VCL: variants seen among roughly 807,000 people sequenced by gnomAD.
VCL encodes vinculin, also known as epididymis luminal protein 114.
A neutral mutation model predicts 125.7 loss-of-function variants in VCL; 47 were observed. The ratio of observed to expected loss-of-function variants is 0.37; its 90% confidence interval spans 0.30 to 0.48. The LOEUF (loss-of-function observed/expected upper bound fraction) is 0.48. Among genes scored for constraint, VCL ranks in the 20% least tolerant of loss-of-function variants. VCL has a pLI of 0.99. For missense variants in VCL, 1,069 were observed against 1,455.5 expected, an observed-to-expected ratio of 0.73 and a Z score of 4.32; for synonymous variants, 458 against 514.6, an observed-to-expected ratio of 0.89 and a Z score of 1.49.
At chr10:74,032,816 C>T (rs750768658) in intron 1 of VCL, among the ~76,000 whole-genome samples, 1 of 151,748 alleles carries the variant, frequency 6.6e-6, no homozygotes, top group Non-Finnish European at 1.5e-5. Context: ...GCATCATTAG[C>T]CATCAGGTCA....
chr10:74,006,117 C>T (rs1276662113), intron 1 of VCL, among the ~76,000 whole-genome samples: 1 of 152,126 alleles, frequency 6.6e-6, no homozygotes, highest in Non-Finnish European at 1.5e-5. Context: ...AACTCCTGAC[C>T]TCAGGTGATC....
chr10:74,074,895 G>C lies in VCL; in HGVS notation c.775G>C (p.Ala259Pro). Residue 259 changes from alanine to proline, a missense_variant, in exon 6 of 22, where the codon GCC becomes CCC. Coordinates refer to ENST00000211998, the MANE Select transcript of VCL (RefSeq NM_014000.3). ...QLTSWDEDAW[A>P]SKDTEAMKRA... is the part of the protein sequence containing the mutation. ...CACCTCTTGGGATGAAGATGCCTGG[G>C]CCAGCAAGGTACGTGTTCTTAGTGG... 6.2e-7 allele frequency: 1 copy of C among 1,614,138 alleles called. No individual in the cohort carries two copies. Among genetic ancestry groups the C allele is most frequent in the Non-Finnish European group, 8.5e-7 (1 of 1,179,996 alleles).
At chr10:74,080,190 G>T (rs546149310) in intron 6 of VCL, among the ~76,000 whole-genome samples, 2 of 152,146 alleles carry the variant, frequency 1.3e-5, no homozygotes, top group South Asian at 4.1e-4. Flanking sequence ...TGTAGATTAT[G>T]AATTTGATTT....
chr10:74,008,692 G>T (rs893468308), intron 1 of VCL, among the ~76,000 whole-genome samples: 2 of 152,190 alleles, frequency 1.3e-5, no homozygotes, highest in Admixed American at 1.3e-4. Context: ...TTTAGGTCAT[G>T]GTTCCGACAG....
chr10:74,113,319 G>T (rs971846560), intron 19 of VCL, among the ~76,000 whole-genome samples: 4 of 152,210 alleles, frequency 2.6e-5, no homozygotes, highest in Non-Finnish European at 5.9e-5. Flanking sequence ...AAAATGCCAA[G>T]TCTAAGATAA....
At chr10:74,056,689 C>T (rs1841397869) in intron 2 of VCL, among the ~76,000 whole-genome samples, 1 of 152,132 alleles carries the variant, frequency 6.6e-6, no homozygotes, top group Admixed American at 6.6e-5. Flanking sequence ...CTCCTAAAAA[C>T]TGTAACTATG....
Position 74,070,534 on chromosome 10 carries a change from A to G in VCL, c.240-136A>G. ...TGTAAAATCTAAAAACGTAGGTTCT[A>G]TTATCAATTGGTCTTGGCTATTTTT... On this transcript the variant is annotated intron_variant, in intron 2 of 21. Coordinates refer to ENST00000211998, the MANE Select transcript of VCL (RefSeq NM_014000.3). The G allele has an allele frequency of 2.4e-6, 3 of 1,234,006 alleles. No homozygotes were observed. In the South Asian group the frequency reaches 3.7e-5, roughly 15 times the overall value. The allele number at this position is 1,234,006 out of a possible 1,614,324, so 76.4% of individuals were successfully genotyped here.
At chr10:74,042,038 A>C (rs930229678) in intron 1 of VCL, among the ~76,000 whole-genome samples, 2 of 152,246 alleles carry the variant, frequency 1.3e-5, no homozygotes, top group African/African-American at 4.8e-5. Context: ...TCAATTTCCT[A>C]AGCATTAGTA....
intron 1 of VCL, among the ~76,000 whole-genome samples, chr10:74,003,108 T>A (rs1199532186): frequency 6.6e-6 from 1 of 151,898 alleles, no homozygotes; most frequent in African/African-American, 2.4e-5. Context: ...AGTCTCACTG[T>A]GTAGTCCAAG....
chr10:74,098,031 A>G (rs1839998091), intron 13 of VCL, among the ~76,000 whole-genome samples: 1 of 152,214 alleles, frequency 6.6e-6, no homozygotes, highest in Non-Finnish European at 1.5e-5. Context: ...GTGAGCTGGC[A>G]CGAGTCGGTA....
At chr10:74,009,505 T>C (rs888941583) in intron 1 of VCL, among the ~76,000 whole-genome samples, 3 of 151,976 alleles carry the variant, frequency 2.0e-5, no homozygotes, top group Admixed American at 1.3e-4. Flanking sequence ...GTGATCTGCC[T>C]GCCTCAGCCT....
At chr10:74,014,011 A>G (rs1276107757) in intron 1 of VCL, among the ~76,000 whole-genome samples, 1 of 152,214 alleles carries the variant, frequency 6.6e-6, no homozygotes, top group Admixed American at 6.5e-5. Context: ...AGTTTTACCA[A>G]CTGTGGGGAA....
In VCL at chr10:74,088,137, C is replaced by T. The variant is rs192700525; in HGVS notation, c.1023-1059C>T. Among the ~76,000 whole-genome samples the T allele has an allele frequency of 2.6e-5, 4 of 152,280 alleles. No individual in the cohort carries two copies. In the East Asian group the frequency reaches 7.7e-4, roughly 29 times the overall value. On this transcript the variant is annotated intron_variant, in intron 8 of 21. Transcript: ENST00000211998. ...AGGATAATCAGCCATGCCATTCTAC[C>T]AAATGGTAAAGTTACTGCCCCTATC...
intron 1 of VCL, chr10:74,016,922 A>G (rs1315324034): frequency 6.6e-6 from 1 of 151,988 alleles, no homozygotes; most frequent in African/African-American, 2.4e-5. Flanking sequence ...TATAACATAT[A>G]GTATATGATA....
rs1471118775 is a variant in VCL at position 74,083,558 on chromosome 10, T to C, written c.1022+45T>C. On this transcript the variant is annotated intron_variant, in intron 8 of 21. Coordinates refer to ENST00000211998, the MANE Select transcript of VCL (RefSeq NM_014000.3). The stretch of plus-strand genomic sequence containing the variant: ...TACAGAGCAGTAGTGGGTAACTCAC[T>C]CCTAACAGGGTGATTCAGAAAACAA... 1.9e-6 allele frequency: 3 copies of C among 1,608,076 alleles called. No homozygotes were observed. In the African/African-American group the frequency reaches 4.0e-5, roughly 22 times the overall value.
At chr10:74,036,661 A>G (rs927518066) in intron 1 of VCL, among the ~76,000 whole-genome samples, 8 of 151,936 alleles carry the variant, frequency 5.3e-5, no homozygotes, top group Non-Finnish European at 1.2e-4. Context: ...CCTTGACCCC[A>G]GCAGTTTGAG....
chr10:74,049,268 A>T (rs1026400526), intron 2 of VCL, among the ~76,000 whole-genome samples: 5 of 152,268 alleles, frequency 3.3e-5, no homozygotes, highest in Admixed American at 6.5e-5. Context: ...GGGAGATAAA[A>T]TAGTGGAACT....
rs936150025 is a variant in VCL, at chr10:74,097,417, G to C, written c.1872+85G>C. The C allele has an allele frequency of 8.2e-6, 13 of 1,576,448 alleles. No homozygotes were observed. The Admixed American group carries it at 1.9e-4, about 22-fold the overall frequency. On this transcript the variant is annotated intron_variant, in intron 13 of 21. Transcript: ENST00000211998. The surrounding 1 kb of genome is among the most constrained non-coding windows in gnomAD (Gnocchi z 4.1). ...GAAATGTGATTACAGTGGACATCAG[G>C]ATCAGTGGTTGGGAAACTGTAGATG...
chr10:74,076,602 C>A (rs567806400), intron 6 of VCL: 2 of 152,566 alleles, frequency 1.3e-5, no homozygotes, highest in African/African-American at 4.8e-5. Context: ...AGGTTTTAAG[C>A]CATAATGAAA....
Sources: gnomAD v4.1 joint callset for allele counts (sites outside exome capture counted in the v4.1 genomes callset) on GRCh38, gnomAD v4.1.1 for gene constraint, Gnocchi (gnomAD v3.1) non-coding constraint, MANE v1.5 for transcripts, NCBI Gene and HGNC (gene_info 2026-07-23, HGNC 2026-07-21) for gene names.